The following CD247 variants were observed in gnomAD, a reference collection of about 807,000 sequenced individuals.
CD247 encodes T-cell surface glycoprotein CD3 zeta chain.
CD247 carries 13 observed loss-of-function variants against 30.0 expected under a neutral mutation model. That is an observed-to-expected ratio of 0.43 (90% CI 0.28 to 0.69). The LOEUF (loss-of-function observed/expected upper bound fraction) is 0.69. Among genes scored for constraint, CD247 ranks in the 30% least tolerant of loss-of-function variants. The probability of loss-of-function intolerance (pLI) is 0.16; values close to 1 mark genes in which losing one functional copy is unlikely to be tolerated. For synonymous variants in CD247, 72 were observed against 80.0 expected, an observed-to-expected ratio of 0.90 and a Z score of 0.53; for missense variants, 193 against 212.6, an observed-to-expected ratio of 0.91 and a Z score of 0.57.
intron 2 of CD247, chr1:167,439,967 A>C (rs1035157170): frequency 6.1e-6 from 1 of 164,778 alleles, no homozygotes; most frequent in Non-Finnish European, 1.3e-5. Flanking sequence ...ATGCCGCTTC[A>C]GGCGGGAGAA....
At chr1:167,445,105 T>G (rs540992800) in intron 1 of CD247, among the ~76,000 whole-genome samples, 1 of 152,174 alleles carries the variant, frequency 6.6e-6, no homozygotes, top group Non-Finnish European at 1.5e-5. Context: ...TTTGTAATTT[T>G]AGTAGAGATG....
intron 1 of CD247, among the ~76,000 whole-genome samples, chr1:167,486,923 A>C (rs1385966528): frequency 6.6e-6 from 1 of 151,480 alleles, no homozygotes; most frequent in African/African-American, 2.4e-5. Context: ...AAAACACAAA[A>C]ATTAGCCAGG....
At chr1:167,516,961 T>G (rs1655631552) in intron 1 of CD247, among the ~76,000 whole-genome samples, 1 of 152,198 alleles carries the variant, frequency 6.6e-6, no homozygotes, top group Admixed American at 6.5e-5. Flanking sequence ...GTAAAGACCC[T>G]GAAAGGTTAT....
intron 1 of CD247, among the ~76,000 whole-genome samples, chr1:167,506,892 A>ATTTTTTT (rs10587631): frequency 5.1e-5 from 5 of 97,986 alleles, no homozygotes; most frequent in Non-Finnish European, 5.7e-5. Flanking sequence ...GTTCCCTCTG[A>ATTTTTTT]TTTTTTTTTT....
chr1:167,447,797 C>T (rs1345857930), intron 1 of CD247, among the ~76,000 whole-genome samples: 1 of 152,192 alleles, frequency 6.6e-6, no homozygotes, highest in East Asian at 1.9e-4. Flanking sequence ...GAGTGGCCAG[C>T]TTTCTACTCG....
At chr1:167,443,934 A>C (rs997881107) in intron 1 of CD247, among the ~76,000 whole-genome samples, 3 of 152,242 alleles carry the variant, frequency 2.0e-5, no homozygotes. Flanking sequence ...GCAGGGATGC[A>C]GGACCTGATT....
intron 1 of CD247, among the ~76,000 whole-genome samples, chr1:167,487,901 A>G (rs1389470952): frequency 6.6e-6 from 1 of 152,044 alleles, no homozygotes; most frequent in Non-Finnish European, 1.5e-5. Context: ...TGACTAATTT[A>G]TTTTTAGAAT....
intron 1 of CD247, among the ~76,000 whole-genome samples, chr1:167,504,089 G>A (rs570257065): frequency 7.0e-4 from 107 of 152,318 alleles, no homozygotes; most frequent in Middle Eastern, 3.4e-3. Flanking sequence ...TAGGCAATGC[G>A]GTTCATGGCG....
intron 1 of CD247, among the ~76,000 whole-genome samples, chr1:167,504,476 A>G (rs1468156375): frequency 6.6e-6 from 1 of 152,262 alleles, no homozygotes; most frequent in African/African-American, 2.4e-5. Flanking sequence ...GATGAAATGT[A>G]TGATTAAAAC....
chr1:167,500,586 AC>A (rs984939725), intron 1 of CD247, among the ~76,000 whole-genome samples: 5 of 151,776 alleles, frequency 3.3e-5, no homozygotes, highest in African/African-American at 7.3e-5. Flanking sequence ...TATAATTACC[AC>A]CCCCCTACAC....
intron 7 of CD247, 137 bp from the exon 8 acceptor site, chr1:167,431,883 C>G: frequency 1.3e-6 from 1 of 741,136 alleles, no homozygotes; most frequent in East Asian, 2.5e-5. Flanking sequence ...CAGGAATAAT[C>G]CCCCTGGCCC....
chr1:167,501,053 CTTTTTTTTTTTT>C (rs569489236), intron 1 of CD247, among the ~76,000 whole-genome samples: 2 of 124,364 alleles, frequency 1.6e-5, no homozygotes, highest in Admixed American at 8.1e-5. Flanking sequence ...TCCTATTGTT[CTTTTTTTTTTTT>C]TTTTTTTTGA....
chr1:167,442,550 C>G (rs538049302), intron 1 of CD247, among the ~76,000 whole-genome samples: 3 of 152,166 alleles, frequency 2.0e-5, no homozygotes, highest in Non-Finnish European at 4.4e-5. Flanking sequence ...CACTGAGGCA[C>G]CGAGTATTCG....
intron 1 of CD247, among the ~76,000 whole-genome samples, chr1:167,453,067 G>C (rs1005072038): frequency 3.0e-5 from 2 of 66,706 alleles, no homozygotes; most frequent in African/African-American, 3.9e-5. Flanking sequence ...TATACAGAGA[G>C]AAAGACACTT....
intron 1 of CD247, among the ~76,000 whole-genome samples, chr1:167,443,266 A>C (rs547942616): frequency 5.3e-5 from 8 of 152,200 alleles, no homozygotes; most frequent in Non-Finnish European, 1.2e-4. Context: ...CCAGCATCAG[A>C]GTGCAGGGCA....
At chr1:167,432,685 A>G (rs1651327669) in intron 7 of CD247, among the ~76,000 whole-genome samples, 1 of 152,212 alleles carries the variant, frequency 6.6e-6, no homozygotes, top group African/African-American at 2.4e-5. Context: ...TGAGGGTTCT[A>G]CAAGAACCCA....
intron 1 of CD247, among the ~76,000 whole-genome samples, chr1:167,467,429 C>T (rs1351934412): frequency 6.6e-6 from 1 of 152,200 alleles, no homozygotes; most frequent in African/African-American, 2.4e-5. Context: ...ATTTTCTGTT[C>T]AACAGATAAT....
chr1:167,453,564 C>T (rs1479897961), intron 1 of CD247, among the ~76,000 whole-genome samples: 1 of 152,038 alleles, frequency 6.6e-6, no homozygotes, highest in East Asian at 1.9e-4. Flanking sequence ...TGTAAATGTC[C>T]ATCAACTAGG....
At chr1:167,505,641 C>CA (rs1558032061) in intron 1 of CD247, among the ~76,000 whole-genome samples, 1 of 152,172 alleles carries the variant, frequency 6.6e-6, no homozygotes, top group Non-Finnish European at 1.5e-5. Flanking sequence ...CACAACAGGG[C>CA]AAAAAATCTA....
Sources: allele counts gnomAD v4.1 joint callset (sites outside exome capture counted in the v4.1 genomes callset), GRCh38; gene constraint gnomAD v4.1.1; transcripts MANE v1.5; gene names NCBI Gene and HGNC (gene_info 2026-07-23, HGNC 2026-07-21).